ADGRL2: variants seen among roughly 807,000 people sequenced by gnomAD.
The protein encoded by ADGRL2 is adhesion G protein-coupled receptor L2.
A neutral mutation model predicts 157.4 loss-of-function variants in ADGRL2; 44 were observed. The ratio of observed to expected loss-of-function variants is 0.28; its 90% CI spans 0.22 to 0.36. ADGRL2 has a LOEUF of 0.36. Ranked by LOEUF, ADGRL2 falls within the 10% of genes least tolerant of loss-of-function variation. The pLI, the probability that ADGRL2 is intolerant of heterozygous loss-of-function variation, is 1.00. For missense variants in ADGRL2, 1,510 were observed against 1,768.9 expected, an observed-to-expected ratio of 0.85 and a Z score of 2.63; for synonymous variants, 585 against 624.7, an observed-to-expected ratio of 0.94 and a Z score of 0.95.
At chr1:81,504,819 C>T (rs1399332161) in intron 2 of ADGRL2, among the ~76,000 whole-genome samples, 1 of 152,216 alleles carries the variant, frequency 6.6e-6, no homozygotes, top group African/African-American at 2.4e-5. Context: ...CACAGGCAGG[C>T]TGGGGTCCTC....
At chr1:81,427,604 A>C (rs1050418449) in intron 1 of ADGRL2, 5 of 703,130 alleles carry the variant, frequency 7.1e-6, no homozygotes, top group Non-Finnish European at 1.3e-5. Context: ...TAGGAGCAGA[A>C]GGTTTTGAAA....
At chr1:81,378,442 T>C (rs931816447) in intron 1 of ADGRL2, among the ~76,000 whole-genome samples, 3 of 151,598 alleles carry the variant, frequency 2.0e-5, no homozygotes, top group Non-Finnish European at 4.4e-5. Flanking sequence ...GTGCCTGTAG[T>C]CCCAGCTACT....
intron 2 of ADGRL2, among the ~76,000 whole-genome samples, chr1:81,491,642 TAAAA>T (rs1480464376): frequency 6.6e-6 from 1 of 151,906 alleles, no homozygotes; most frequent in African/African-American, 2.4e-5. Flanking sequence ...CAACACTGAG[TAAAA>T]AGAAAGAAAG....
At chr1:81,335,617 G>T (rs1380878037) in intron 1 of ADGRL2, among the ~76,000 whole-genome samples, 2 of 152,136 alleles carry the variant, frequency 1.3e-5, no homozygotes, top group African/African-American at 4.8e-5. Flanking sequence ...TAATTTCCAT[G>T]TATGATTCCA....
At chr1:81,653,124 T>A (rs1400305473) in intron 3 of ADGRL2, among the ~76,000 whole-genome samples, 1 of 152,134 alleles carries the variant, frequency 6.6e-6, no homozygotes, top group African/African-American at 2.4e-5. Context: ...TGTATATACA[T>A]ATATATTCAA....
At chr1:81,849,611 A>G (rs2092926059) in intron 2 of ADGRL2, among the ~76,000 whole-genome samples, 1 of 151,958 alleles carries the variant, frequency 6.6e-6, no homozygotes, top group African/African-American at 2.4e-5. Context: ...AAATGGTTCT[A>G]GTAATTTTGT....
At chr1:81,990,351 A>AAG (rs1198031523) in intron 23 of ADGRL2, 40 bp from the exon 24 acceptor site, 1 of 1,587,636 alleles carries the variant, frequency 6.3e-7, no homozygotes, top group Non-Finnish European at 8.6e-7. Context: ...TGTGGAAAGG[A>AAG]ACAGAGACAG....
intron 3 of ADGRL2, among the ~76,000 whole-genome samples, chr1:81,643,959 T>A (rs1220842388): frequency 6.6e-6 from 1 of 152,172 alleles, no homozygotes; most frequent in Non-Finnish European, 1.5e-5. Context: ...GAAGGACTGA[T>A]TCTACCCAAC....
chr1:81,733,510 CT>C (rs2084794094), intron 1 of ADGRL2, among the ~76,000 whole-genome samples: 1 of 152,156 alleles, frequency 6.6e-6, no homozygotes, highest in Admixed American at 6.5e-5. Context: ...CCTAATTCCT[CT>C]GTTTATAAGG....
chr1:81,698,329 A>G (rs115193988), upstream of ADGRL2, among the ~76,000 whole-genome samples: 1 of 152,180 alleles, frequency 6.6e-6, no homozygotes, highest in East Asian at 1.9e-4. Flanking sequence ...GCTCACATGT[A>G]TGTGCATACC....
At chr1:81,427,255 T>C in intron 1 of ADGRL2, 1 of 752,634 alleles carries the variant, frequency 1.3e-6, no homozygotes, top group Non-Finnish European at 2.4e-6. Flanking sequence ...GCAGCGGAAA[T>C]AGTTATGAAG....
chr1:81,683,307 T>C (rs1044044110), intron 3 of ADGRL2, among the ~76,000 whole-genome samples: 7 of 152,224 alleles, frequency 4.6e-5, no homozygotes, highest in African/African-American at 1.7e-4. Context: ...TACTATTTTT[T>C]TTCCATAAGT....
At chr1:81,415,433 T>A (rs1333279939) in intron 1 of ADGRL2, among the ~76,000 whole-genome samples, 2 of 152,106 alleles carry the variant, frequency 1.3e-5, no homozygotes, top group African/African-American at 4.8e-5. Context: ...AAAAGATTAT[T>A]ACAAAAGAAG....
intron 3 of ADGRL2, among the ~76,000 whole-genome samples, chr1:81,626,390 C>T (rs929242623): frequency 6.6e-6 from 1 of 152,218 alleles, no homozygotes; most frequent in Admixed American, 6.5e-5. Flanking sequence ...ACTGCAGCCT[C>T]AACCTCCCGG....
chr1:81,863,301 G>A (rs2093441641), intron 2 of ADGRL2, among the ~76,000 whole-genome samples: 1 of 152,044 alleles, frequency 6.6e-6, no homozygotes, highest in Admixed American at 6.6e-5. Context: ...AGCTTTTGAG[G>A]CACCCAAACC....
intron 2 of ADGRL2, chr1:81,515,140 A>G (rs1230980407): frequency 6.6e-6 from 1 of 152,132 alleles, no homozygotes; most frequent in African/African-American, 2.4e-5. Flanking sequence ...TGTTCAGGCA[A>G]TGATGTATCT....
At chr1:81,540,935 T>C (rs2079868419) in intron 2 of ADGRL2, among the ~76,000 whole-genome samples, 1 of 152,120 alleles carries the variant, frequency 6.6e-6, no homozygotes, top group African/African-American at 2.4e-5. Context: ...AAAATACCTG[T>C]ATAAAGTGCA....
intron 1 of ADGRL2, among the ~76,000 whole-genome samples, chr1:81,428,595 G>A (rs968705881): frequency 5.3e-5 from 8 of 152,176 alleles, no homozygotes; most frequent in African/African-American, 9.7e-5. Flanking sequence ...GGGAAGTGGG[G>A]GATGCAGGCA....
At chr1:81,830,067 G>T (rs2091831353) in intron 1 of ADGRL2, among the ~76,000 whole-genome samples, 1 of 152,138 alleles carries the variant, frequency 6.6e-6, no homozygotes, top group African/African-American at 2.4e-5. Flanking sequence ...GGGAGGTTTA[G>T]TAATTATTAT....
Sources: allele counts gnomAD v4.1 joint callset (sites outside exome capture counted in the v4.1 genomes callset), GRCh38; gene constraint gnomAD v4.1.1; transcripts MANE v1.5; gene names NCBI Gene and HGNC (gene_info 2026-07-23, HGNC 2026-07-21).